SH3GL2: variants seen among roughly 807,000 people sequenced by gnomAD.
The protein encoded by SH3GL2 is SH3 domain containing GRB2 like 2, endophilin A1.
SH3GL2 carries 24 observed loss-of-function variants against 46.0 expected under a neutral mutation model. The ratio of observed to expected loss-of-function variants is 0.52; its 90% CI spans 0.38 to 0.73. The LOEUF (loss-of-function observed/expected upper bound fraction) is 0.73. Among genes scored for constraint, SH3GL2 ranks in the 30% least tolerant of loss-of-function variants. The probability of loss-of-function intolerance (pLI) is 0.00; values close to 1 mark genes in which losing one functional copy is unlikely to be tolerated. For missense variants in SH3GL2, 413 were observed against 424.2 expected, an observed-to-expected ratio of 0.97 and a Z score of 0.23; for synonymous variants, 196 against 147.1, an observed-to-expected ratio of 1.33 and a Z score of -2.40.
intron 1 of SH3GL2, among the ~76,000 whole-genome samples, chr9:17,688,146 C>G (rs977373798): frequency 6.6e-6 from 1 of 152,018 alleles, no homozygotes; most frequent in Admixed American, 6.6e-5. Context: ...TGTTATGCTA[C>G]TTAGCAATGG....
intron 1 of SH3GL2, among the ~76,000 whole-genome samples, chr9:17,693,977 G>A (rs1044003955): frequency 1.3e-5 from 2 of 152,118 alleles, no homozygotes; most frequent in African/African-American, 2.4e-5. Flanking sequence ...TGAAGTGTAC[G>A]CTATATTTTA....
chr9:17,740,830 T>C (rs1822507629), intron 1 of SH3GL2, among the ~76,000 whole-genome samples: 1 of 152,156 alleles, frequency 6.6e-6, no homozygotes, highest in Non-Finnish European at 1.5e-5. Context: ...ACACATATTT[T>C]CTCATCTAAT....
intron 1 of SH3GL2, chr9:17,589,206 T>C (rs927301): frequency 0.095 from 14,460 of 152,196 alleles, 2,296 homozygotes; most frequent in African/African-American, 0.33. Context: ...GAAACTGTCG[T>C]CCAGGCTGGG....
intron 2 of SH3GL2, among the ~76,000 whole-genome samples, chr9:17,752,350 T>G (rs1307409941): frequency 6.6e-6 from 1 of 152,246 alleles, no homozygotes; most frequent in Non-Finnish European, 1.5e-5. Flanking sequence ...ATAGTTGTAG[T>G]TTCTTAACTT....
chr9:17,737,637 A>T (rs1049944628), intron 1 of SH3GL2, among the ~76,000 whole-genome samples: 8 of 151,926 alleles, frequency 5.3e-5, no homozygotes, highest in Non-Finnish European at 1.2e-4. Context: ...AACTTCTTTG[A>T]CTGTTATGAC....
chr9:17,789,329 G>C lies in SH3GL2; in HGVS notation c.466-63G>C, dbSNP rs1588338764. 3.0e-6 allele frequency: 4 copies of C among 1,342,996 alleles called. No homozygotes were observed. In the East Asian group the frequency reaches 9.3e-5, roughly 31 times the overall value. 83.2% of individuals were successfully genotyped at this position (1,342,996 alleles called of 1,614,324 possible). ...AAGTTAATGGACGTGATGGAGAAGTGAGCTCAAATAAGCCTTTTCCATAAG... is the reference window on the plus strand; with the variant it reads ...AAGTTAATGGACGTGATGGAGAAGTCAGCTCAAATAAGCCTTTTCCATAAG... On this transcript the variant is annotated intron_variant, in intron 5 of 8. Coordinates refer to ENST00000380607, the MANE Select transcript of SH3GL2 (RefSeq NM_003026.5).
chr9:17,721,502 T>C (rs1216817741), intron 1 of SH3GL2, among the ~76,000 whole-genome samples: 1 of 152,158 alleles, frequency 6.6e-6, no homozygotes, highest in African/African-American at 2.4e-5. Flanking sequence ...TTTTAAATGG[T>C]TGCTGTGTGT....
intron 1 of SH3GL2, among the ~76,000 whole-genome samples, chr9:17,732,829 A>G (rs573576957): frequency 5.6e-4 from 86 of 152,288 alleles, no homozygotes; most frequent in African/African-American, 2.0e-3. Context: ...AAATTTTAAA[A>G]AATTTAAAAG....
At chr9:17,600,614 G>A (rs1340051384) in intron 1 of SH3GL2, among the ~76,000 whole-genome samples, 1 of 152,202 alleles carries the variant, frequency 6.6e-6, no homozygotes, top group Non-Finnish European at 1.5e-5. Context: ...TAAGGTATCT[G>A]TTGCTCTTAG....
At chr9:17,780,496 A>G (rs1349599429) in intron 3 of SH3GL2, among the ~76,000 whole-genome samples, 4 of 133,978 alleles carry the variant, frequency 3.0e-5, no homozygotes, top group African/African-American at 1.1e-4. Flanking sequence ...TTTTTTTATT[A>G]TACTCTAAGT....
chr9:17,757,832 T>G (rs976636381), intron 2 of SH3GL2, among the ~76,000 whole-genome samples: 26 of 152,320 alleles, frequency 1.7e-4, no homozygotes, highest in Admixed American at 1.4e-3. Flanking sequence ...TAAGAGAATA[T>G]GTACTTGGAT....
intron 1 of SH3GL2, among the ~76,000 whole-genome samples, chr9:17,721,672 G>A (rs376189887): frequency 6.6e-6 from 1 of 151,960 alleles, no homozygotes; most frequent in African/African-American, 2.4e-5. Context: ...TACCATACAT[G>A]TTCCTCACTA....
At chr9:17,732,018 C>T (rs1217496729) in intron 1 of SH3GL2, among the ~76,000 whole-genome samples, 1 of 152,132 alleles carries the variant, frequency 6.6e-6, no homozygotes, top group Non-Finnish European at 1.5e-5. Flanking sequence ...GATAGGGAAA[C>T]AAGCATATAA....
intron 8 of SH3GL2, among the ~76,000 whole-genome samples, chr9:17,794,319 C>A (rs970581239): frequency 4.6e-5 from 7 of 152,086 alleles, no homozygotes; most frequent in African/African-American, 1.7e-4. Flanking sequence ...TTTCCTGTAT[C>A]CCCAGTGCTT....
intron 3 of SH3GL2, among the ~76,000 whole-genome samples, chr9:17,775,309 T>C (rs1823610642): frequency 6.6e-6 from 1 of 152,210 alleles, no homozygotes; most frequent in African/African-American, 2.4e-5. Flanking sequence ...TATTTTTAGC[T>C]GTTGGTTGCC....
At chr9:17,760,446 A>G (rs890423119) in intron 2 of SH3GL2, among the ~76,000 whole-genome samples, 2 of 151,946 alleles carry the variant, frequency 1.3e-5, no homozygotes, top group Non-Finnish European at 2.9e-5. Context: ...ATACCGGTAT[A>G]TATTGGTATA....
At chr9:17,748,049 A>G (rs1022700975) in intron 2 of SH3GL2, among the ~76,000 whole-genome samples, 1 of 152,184 alleles carries the variant, frequency 6.6e-6, no homozygotes, top group African/African-American at 2.4e-5. Flanking sequence ...CTTAAAAATA[A>G]TGTAGATTAT....
At chr9:17,580,125 G>A (rs1411421814) in intron 1 of SH3GL2, among the ~76,000 whole-genome samples, 1 of 151,998 alleles carries the variant, frequency 6.6e-6, no homozygotes, top group Non-Finnish European at 1.5e-5. Context: ...TTTACATAGG[G>A]GCAAGTAAGC....
intron 1 of SH3GL2, chr9:17,653,882 G>T (rs1320893945): frequency 4.1e-6 from 4 of 976,478 alleles, no homozygotes; most frequent in Non-Finnish European, 4.9e-6. Flanking sequence ...GATGCAGAAG[G>T]TATGTGATGA....
Sources: gnomAD v4.1 joint callset for allele counts (sites outside exome capture counted in the v4.1 genomes callset) on GRCh38, gnomAD v4.1.1 for gene constraint, MANE v1.5 for transcripts, NCBI Gene and HGNC (gene_info 2026-07-23, HGNC 2026-07-21) for gene names.